RBFOX1: variants seen among roughly 807,000 people sequenced by gnomAD.
RBFOX1 encodes the protein RNA binding fox-1 homolog 1.
A neutral mutation model predicts 57.7 loss-of-function variants in RBFOX1; 8 were observed. The observed-to-expected ratio is 0.14, with a 90% CI of 0.08 to 0.25. RBFOX1 has a LOEUF of 0.25. Ranked by LOEUF, RBFOX1 falls within the 10% of genes least tolerant of loss-of-function variation. The probability of loss-of-function intolerance (pLI) is 1.00; values close to 1 mark genes in which losing one functional copy is unlikely to be tolerated. For missense variants in RBFOX1, 611 were observed against 548.5 expected (o/e 1.11, Z -1.14); for synonymous variants, 326 against 222.4 (o/e 1.47, Z -4.15).
At chr16:7,497,807 TGCCTTAA>T (rs1421370763) in intron 4 of RBFOX1, among the ~76,000 whole-genome samples, 1 of 152,222 alleles carries the variant, frequency 6.6e-6, no homozygotes, top group Non-Finnish European at 1.5e-5. Context: ...TGTCTACGGA[TGCCTTAA>T]GCATTCTGCA....
At chr16:7,416,189 A>G (rs1745494199) in intron 4 of RBFOX1, among the ~76,000 whole-genome samples, 1 of 152,168 alleles carries the variant, frequency 6.6e-6, no homozygotes, top group South Asian at 2.1e-4. Context: ...CTGAAATGGG[A>G]AGTGACAGAT....
At chr16:7,512,749 T>G (rs1228037332) in intron 4 of RBFOX1, among the ~76,000 whole-genome samples, 1 of 152,204 alleles carries the variant, frequency 6.6e-6, no homozygotes, top group Non-Finnish European at 1.5e-5. Flanking sequence ...TCGGATAGCC[T>G]CAAGGCATTT....
intron 1 of RBFOX1, among the ~76,000 whole-genome samples, chr16:6,303,601 G>A (rs1174006527): frequency 6.6e-6 from 1 of 151,968 alleles, no homozygotes; most frequent in Admixed American, 6.6e-5. Flanking sequence ...TCCAGTTTAT[G>A]CCATTGTGTA....
intron 4 of RBFOX1, among the ~76,000 whole-genome samples, chr16:7,206,324 A>C (rs532155149): frequency 5.3e-5 from 8 of 152,066 alleles, no homozygotes; most frequent in South Asian, 2.1e-4. Flanking sequence ...GTACCATGCA[A>C]TTGGTTTGAC....
intron 2 of RBFOX1, among the ~76,000 whole-genome samples, chr16:6,455,271 G>A (rs2094741536): frequency 6.6e-6 from 1 of 152,096 alleles, no homozygotes; most frequent in East Asian, 1.9e-4. Flanking sequence ...GTCTACTGGT[G>A]TCTGAGAGAC....
At chr16:5,773,670 A>G (rs888523532) in intron 3 of RBFOX1, among the ~76,000 whole-genome samples, 1 of 152,162 alleles carries the variant, frequency 6.6e-6, no homozygotes, top group Non-Finnish European at 1.5e-5. Context: ...GAAAAATAGA[A>G]TTGCCAGGTG....
chr16:5,826,134 T>C (rs554533358), intron 3 of RBFOX1, among the ~76,000 whole-genome samples: 2 of 148,378 alleles, frequency 1.3e-5, no homozygotes, highest in Non-Finnish European at 1.5e-5. Context: ...AGGAATATTA[T>C]TCCTTATATA....
intron 4 of RBFOX1, among the ~76,000 whole-genome samples, chr16:5,998,975 A>T (rs1477150370): frequency 2.0e-5 from 3 of 152,146 alleles, no homozygotes; most frequent in Non-Finnish European, 4.4e-5. Flanking sequence ...AGTCCAAAAA[A>T]ATCTATGTGG....
intron 1 of RBFOX1, among the ~76,000 whole-genome samples, chr16:6,112,249 G>A (rs571054973): frequency 1.3e-5 from 2 of 152,160 alleles, no homozygotes; most frequent in South Asian, 4.1e-4. Context: ...TAGGAATTGA[G>A]AACAGTGTCT....
At chr16:7,046,671 T>G (rs1345991493) in intron 3 of RBFOX1, among the ~76,000 whole-genome samples, 1 of 148,358 alleles carries the variant, frequency 6.7e-6, no homozygotes, top group Non-Finnish European at 1.5e-5. Flanking sequence ...AATGGCATGA[T>G]CTCGGCTCAC....
At chr16:7,135,683 C>G (rs950832840) in intron 4 of RBFOX1, among the ~76,000 whole-genome samples, 1 of 152,214 alleles carries the variant, frequency 6.6e-6, no homozygotes, top group African/African-American at 2.4e-5. Context: ...TGGTTCATTC[C>G]AACAAGAGAT....
At chr16:5,477,664 C>G (rs2069378438) in intron 2 of RBFOX1, among the ~76,000 whole-genome samples, 1 of 152,144 alleles carries the variant, frequency 6.6e-6, no homozygotes, top group African/African-American at 2.4e-5. Context: ...GCAAATCTTC[C>G]TATCTGGGGG....
intron 3 of RBFOX1, among the ~76,000 whole-genome samples, chr16:6,795,431 A>AT (rs199918043): frequency 0.05 from 7,616 of 151,996 alleles, 272 homozygotes; most frequent in Middle Eastern, 0.15. Context: ...ATTAATTCCC[A>AT]TTTTTTTTAA....
At chr16:5,347,222 T>C (rs1298410698) in intron 1 of RBFOX1, among the ~76,000 whole-genome samples, 3 of 152,224 alleles carry the variant, frequency 2.0e-5, no homozygotes, top group Non-Finnish European at 2.9e-5. Context: ...TTATTGCATG[T>C]CTCTTCTAAC....
intron 1 of RBFOX1, among the ~76,000 whole-genome samples, chr16:5,444,245 A>G (rs1486755012): frequency 6.6e-6 from 1 of 152,178 alleles, no homozygotes; most frequent in East Asian, 1.9e-4. Flanking sequence ...ATGTGGCAAA[A>G]CTGCAGATTG....
chr16:7,295,382 T>A (rs2095868982), intron 4 of RBFOX1, among the ~76,000 whole-genome samples: 1 of 152,184 alleles, frequency 6.6e-6, no homozygotes, highest in South Asian at 2.1e-4. Flanking sequence ...AATGATGGTT[T>A]CATCAACTGG....
chr16:7,690,085 C>G (rs1450001181), intron 14 of RBFOX1, among the ~76,000 whole-genome samples: 7 of 152,060 alleles, frequency 4.6e-5, no homozygotes, highest in African/African-American at 1.7e-4. Context: ...TCTCTTGAAT[C>G]CCTCTGCCTT....
At chr16:7,662,636 C>G (rs968055754) in intron 12 of RBFOX1, among the ~76,000 whole-genome samples, 14 of 152,112 alleles carry the variant, frequency 9.2e-5, no homozygotes, top group African/African-American at 3.4e-4. Context: ...TAATGTGAGG[C>G]AGAAATTGAC....
chr16:7,507,561 C>CTTTTT lies in RBFOX1; in HGVS notation c.28-10583_28-10582insTTTTT, dbSNP rs200393762. 7.4e-3 allele frequency among the ~76,000 whole-genome samples: 914 copies of CTTTTT among 122,758 alleles called. 68 individuals carry two copies. The highest frequency in any genetic ancestry group is 0.018 in the Middle Eastern group (3 of 164). The allele number at this position is 122,758 out of a possible 152,430, so 80.5% of individuals were successfully genotyped here. ...TTGGAACGTGATTTTTTTTTTCTTT[C>CTTTTT]TTTCTTTTTTTTTTTTTTTTGAGAC... is the stretch of plus-strand genomic sequence containing the variant. On this transcript the variant is annotated intron_variant, in intron 4 of 15. Coordinates refer to ENST00000550418, the MANE Select transcript of RBFOX1 (RefSeq NM_018723.4).
Sources: gnomAD v4.1 joint callset for allele counts (sites outside exome capture counted in the v4.1 genomes callset) on GRCh38, gnomAD v4.1.1 for gene constraint, MANE v1.5 for transcripts, NCBI Gene and HGNC (gene_info 2026-07-23, HGNC 2026-07-21) for gene names.